The following POM121C variants were observed in gnomAD, a reference collection of about 807,000 sequenced individuals.
POM121C encodes the protein POM121 transmembrane nucleoporin C.
In POM121C, 20 loss-of-function variants were observed where a neutral mutation model predicts 66.4. The observed-to-expected ratio is 0.30, with a 90% CI of 0.21 to 0.44. The LOEUF is 0.44. POM121C is among the 20% of genes least tolerant of loss of function. The pLI is 1.00. For synonymous variants in POM121C, 286 were observed against 528.0 expected (o/e 0.54, Z 6.28); for missense variants, 580 against 1,225.7 (o/e 0.47, Z 7.87).
chr7:75,442,511 C>T (rs1311614954), intron 3 of POM121C: 1 of 1,431,958 alleles, frequency 7.0e-7, no homozygotes, highest in Non-Finnish European at 9.1e-7. Flanking sequence ...GGGCTCGCGG[C>T]TCAGTCCCCA....
At chr7:75,452,116 A>T (rs1657491479) in intron 3 of POM121C, among the ~76,000 whole-genome samples, 1 of 152,208 alleles carries the variant, frequency 6.6e-6, no homozygotes, top group Non-Finnish European at 1.5e-5. Flanking sequence ...GTAGGCCGAG[A>T]TCGCGCTGCT....
chr7:75,432,634 T>C (rs28660464), intron 7 of POM121C, among the ~76,000 whole-genome samples: 2,064 of 152,306 alleles, frequency 0.014, 12 homozygotes, highest in Middle Eastern at 0.024. Flanking sequence ...TTTCTGTGTA[T>C]TATACTCTAG....
At chr7:75,461,425 A>G (rs1403899287) in intron 3 of POM121C, among the ~76,000 whole-genome samples, 4 of 152,046 alleles carry the variant, frequency 2.6e-5, no homozygotes, top group African/African-American at 9.7e-5. Context: ...TCATAAAACA[A>G]ATGTTTTTCT....
At chr7:75,428,359 T>C (rs1272988937) in intron 7 of POM121C, among the ~76,000 whole-genome samples, 1 of 152,152 alleles carries the variant, frequency 6.6e-6, no homozygotes, top group Non-Finnish European at 1.5e-5. Context: ...AGGATGGTCT[T>C]GATCTCTTGA....
chr7:75,468,801 C>T (rs1409587136), intron 3 of POM121C, among the ~76,000 whole-genome samples: 2 of 152,082 alleles, frequency 1.3e-5, no homozygotes, highest in Non-Finnish European at 2.9e-5. Flanking sequence ...ACGGGAGGAT[C>T]GCTTGAGCCC....
At chr7:75,478,001 T>C (rs1381152638) in intron 1 of POM121C, among the ~76,000 whole-genome samples, 1 of 152,204 alleles carries the variant, frequency 6.6e-6, no homozygotes, top group Non-Finnish European at 1.5e-5. Context: ...AGTCTCGCTC[T>C]TGTCTTCCAG....
At chr7:75,478,432 A>C (rs1792177047) in intron 1 of POM121C, among the ~76,000 whole-genome samples, 1 of 151,572 alleles carries the variant, frequency 6.6e-6, no homozygotes, top group South Asian at 2.1e-4. Context: ...GTGGGATGGG[A>C]AAATGGGCAG....
At chr7:75,480,631 C>G (rs1554479977) in intron 1 of POM121C, among the ~76,000 whole-genome samples, 4 of 152,140 alleles carry the variant, frequency 2.6e-5, no homozygotes, top group Non-Finnish European at 5.9e-5. Flanking sequence ...CAAAAATTCA[C>G]AGTCTAAATC....
rs183353058 is a variant in POM121C, at chr7:75,439,100, T to G, written c.308+44A>C. On this transcript the variant is annotated intron_variant, in intron 6 of 14. Transcript: ENST00000615331. ...TAGGGCAACAGCTCTGATCAGGCCT[T>G]TTTCCAAACAGTTGGTATTTCATCT... 157 of 1,607,688 alleles carry G rather than the reference T, an allele frequency of 9.8e-5. No individual in the cohort carries two copies. The East Asian group carries it at 3.5e-3, about 35-fold the overall frequency.
intron 3 of POM121C, among the ~76,000 whole-genome samples, chr7:75,460,446 G>A (rs1434817994): frequency 1.5e-4 from 22 of 150,390 alleles, no homozygotes; most frequent in African/African-American, 5.0e-4. Flanking sequence ...AGGCTGCAGT[G>A]GGCCGTGACT....
chr7:75,447,771 C>T (rs1225162326), intron 3 of POM121C, among the ~76,000 whole-genome samples: 2 of 151,816 alleles, frequency 1.3e-5, no homozygotes, highest in African/African-American at 4.8e-5. Context: ...CGCCTGTAAT[C>T]CCAGCACTTT....
In POM121C at chr7:75,468,236, C is replaced by A. The variant is rs1460959464; in HGVS notation, c.-152+6468G>T. Among the ~76,000 whole-genome samples, 29 of 147,430 alleles carry A rather than the reference C, an allele frequency of 2.0e-4. No homozygotes were observed. In the Admixed American group the frequency reaches 2.0e-3, roughly 10 times the overall value. On this transcript the variant is annotated intron_variant, in intron 3 of 14. Transcript: ENST00000615331. ...AGAACTCACCCGCTCCAGTCGGAGA[C>A]AAACTATACAACGCCTTCCCAGGTA...
chr7:75,459,599 C>CAAAAAAAAAAAAA (rs1211791667), intron 3 of POM121C, among the ~76,000 whole-genome samples: 2 of 43,816 alleles, frequency 4.6e-5, no homozygotes, highest in African/African-American at 1.0e-4. Context: ...GACTCTGTCT[C>CAAAAAAAAAAAAA]AAAAAAAAAA....
At chr7:75,419,516 T>C in intron 13 of POM121C, 74 bp from the exon 14 acceptor site, 2 of 1,562,564 alleles carry the variant, frequency 1.3e-6, no homozygotes, top group Non-Finnish European at 1.7e-6. Context: ...CAGGAGCCTG[T>C]GCTCTGCAGG....
chr7:75,442,089 C>G (rs2116414256), intron 3 of POM121C: 1 of 1,367,452 alleles, frequency 7.3e-7, no homozygotes, highest in African/African-American at 1.5e-5. Flanking sequence ...AAGTCAAGTC[C>G]TCGATTTCAA....
intron 3 of POM121C, among the ~76,000 whole-genome samples, chr7:75,455,751 G>A (rs2527950): frequency 6.6e-6 from 1 of 151,914 alleles, no homozygotes; most frequent in Non-Finnish European, 1.5e-5. Context: ...ACTGTGCTGC[G>A]TATCTACCGT....
At chr7:75,430,073 A>G (rs1199932491) in intron 7 of POM121C, among the ~76,000 whole-genome samples, 1 of 152,224 alleles carries the variant, frequency 6.6e-6, no homozygotes, top group African/African-American at 2.4e-5. Flanking sequence ...GGTCAATATT[A>G]TAACAATGTT....
intron 3 of POM121C, 80 bp downstream of exon 3, chr7:75,474,624 A>T: frequency 1.8e-6 from 1 of 549,192 alleles, no homozygotes; most frequent in East Asian, 3.3e-5. Flanking sequence ...GAGGGTACCG[A>T]ATACATATAA....
intron 3 of POM121C, among the ~76,000 whole-genome samples, chr7:75,454,349 C>T (rs1378103302): frequency 2.6e-5 from 4 of 152,158 alleles, no homozygotes; most frequent in Admixed American, 2.0e-4. Context: ...GAGGAAGAGT[C>T]TCAGGGAGAG....
Sources: allele counts gnomAD v4.1 joint callset (sites outside exome capture counted in the v4.1 genomes callset), GRCh38; gene constraint gnomAD v4.1.1; transcripts MANE v1.5; gene names NCBI Gene and HGNC (gene_info 2026-07-23, HGNC 2026-07-21).